The following MICU1 variants were observed in gnomAD, a reference collection of about 807,000 sequenced individuals.
The protein encoded by MICU1 is mitochondrial calcium uptake 1, also known as calcium uptake protein 1, mitochondrial.
Under a neutral mutation model 56.8 loss-of-function variants are expected in MICU1, and 45 were observed. The observed-to-expected ratio is 0.79, with a 90% CI of 0.62 to 1.02. The LOEUF is 1.02. MICU1 is among the 50% of genes least tolerant of loss of function. The pLI, the probability that MICU1 is intolerant of heterozygous loss-of-function variation, is 0.00. For synonymous variants in MICU1, 186 were observed against 195.1 expected, an observed-to-expected ratio of 0.95 and a Z score of 0.39; for missense variants, 504 against 587.1, an observed-to-expected ratio of 0.86 and a Z score of 1.46.
intron 5 of MICU1, among the ~76,000 whole-genome samples, chr10:72,527,066 T>C (rs961608790): frequency 6.6e-6 from 1 of 152,292 alleles, no homozygotes; most frequent in Middle Eastern, 3.4e-3. Flanking sequence ...AATGTATATA[T>C]CCCATATTTT....
At chr10:72,387,173 C>T (rs570134584) in intron 10 of MICU1, among the ~76,000 whole-genome samples, 38 of 152,250 alleles carry the variant, frequency 2.5e-4, no homozygotes, top group African/African-American at 7.0e-4. Context: ...CAGTAAAAAG[C>T]GGATTTAGTT....
intron 10 of MICU1, among the ~76,000 whole-genome samples, chr10:72,395,093 G>T (rs866594773): frequency 6.6e-6 from 1 of 152,000 alleles, no homozygotes; most frequent in East Asian, 1.9e-4. Context: ...GCAGGAGAAC[G>T]GCATGAACCC....
rs1159893643 is a variant in MICU1, at chr10:72,592,816, CTT to C, written c.-1-26024_-1-26023del. 2.1e-5 allele frequency among the ~76,000 whole-genome samples: 3 copies of C among 145,778 alleles called. No homozygotes were observed. In the Admixed American group the frequency reaches 2.1e-4, roughly 10 times the overall value. On this transcript the variant is annotated intron_variant, in intron 1 of 11. Coordinates refer to ENST00000361114, the MANE Select transcript of MICU1 (RefSeq NM_001195518.2). The stretch of plus-strand genomic sequence containing the variant: ...TTTTTTTTTGAGATGGAGTTTCACT[CTT>C]GTTGCCCAGGCTGGAGAGCAATGGC...
At chr10:72,389,909 A>T (rs2132063921) in intron 10 of MICU1, among the ~76,000 whole-genome samples, 1 of 152,352 alleles carries the variant, frequency 6.6e-6, no homozygotes, top group East Asian at 1.9e-4. Context: ...TCAATCAGCC[A>T]GCCGCTGAGA....
intron 1 of MICU1, among the ~76,000 whole-genome samples, chr10:72,570,350 G>A (rs1481322681): frequency 2.6e-5 from 4 of 151,502 alleles, no homozygotes; most frequent in Non-Finnish European, 4.4e-5. Flanking sequence ...TTTTTTTCAA[G>A]TTGTAAACAC....
At chr10:72,389,240 T>C (rs1191317336) in intron 10 of MICU1, among the ~76,000 whole-genome samples, 3 of 152,162 alleles carry the variant, frequency 2.0e-5, no homozygotes, top group African/African-American at 7.2e-5. Flanking sequence ...ATTTCTGACT[T>C]CCCCAACAAT....
intron 8 of MICU1, among the ~76,000 whole-genome samples, chr10:72,473,861 T>C (rs547969298): frequency 6.4e-4 from 97 of 152,164 alleles, no homozygotes; most frequent in Non-Finnish European, 1.3e-3. Context: ...CATACATAGT[T>C]TAAAAACAAC....
intron 10 of MICU1, among the ~76,000 whole-genome samples, chr10:72,394,059 G>C (rs1054405836): frequency 6.6e-6 from 1 of 152,112 alleles, no homozygotes; most frequent in Admixed American, 6.5e-5. Flanking sequence ...GAGCCAAAGA[G>C]CCCAGCTGAT....
intron 6 of MICU1, among the ~76,000 whole-genome samples, chr10:72,496,265 T>A (rs1235936330): frequency 6.6e-6 from 1 of 151,416 alleles, no homozygotes; most frequent in Admixed American, 6.6e-5. Context: ...GCAGCTGGGA[T>A]AATATAGGCA....
rs556935439 is a variant in MICU1 at position 72,458,812 on chromosome 10, T to C, written c.933+16288A>G. Among the ~76,000 whole-genome samples the C allele has an allele frequency of 7.3e-5, 11 of 151,316 alleles. No homozygotes were observed. In the East Asian group the frequency reaches 7.8e-4, roughly 11 times the overall value. On this transcript the variant is annotated intron_variant, in intron 8 of 11. Coordinates refer to ENST00000361114, the MANE Select transcript of MICU1 (RefSeq NM_001195518.2). ...GCAGCCTCAGACCTCCCGGACTCAA[T>C]TGATCCAACCACCTCAGCCTCCCAA...
chr10:72,481,254 C>A (rs1201903719), intron 6 of MICU1, among the ~76,000 whole-genome samples: 1 of 152,190 alleles, frequency 6.6e-6, no homozygotes, highest in African/African-American at 2.4e-5. Context: ...TCAAGCGATT[C>A]TCTTGTAAAC....
intron 10 of MICU1, among the ~76,000 whole-genome samples, chr10:72,380,619 G>T (rs1284659923): frequency 6.6e-6 from 1 of 152,146 alleles, no homozygotes; most frequent in South Asian, 2.1e-4. Context: ...TGTCCACTTG[G>T]AATCAGAGAA....
intron 8 of MICU1, among the ~76,000 whole-genome samples, chr10:72,450,076 C>T (rs1589231834): frequency 6.6e-6 from 1 of 152,114 alleles, no homozygotes; most frequent in East Asian, 1.9e-4. Context: ...GCGGGCCCAA[C>T]ACTCTCGTGA....
intron 1 of MICU1, chr10:72,582,681 G>C (rs1840932106): frequency 6.6e-6 from 1 of 152,032 alleles, no homozygotes; most frequent in Non-Finnish European, 1.5e-5. Context: ...TCAGGAGTCT[G>C]AGGTGGGAAG....
chr10:72,587,235 G>C (rs1021620922), intron 1 of MICU1, among the ~76,000 whole-genome samples: 3 of 152,108 alleles, frequency 2.0e-5, no homozygotes, highest in Non-Finnish European at 4.4e-5. Flanking sequence ...TGCCTTGGGA[G>C]ACTGAGGTAA....
At chr10:72,513,680 C>T (rs1564912396) in intron 5 of MICU1, among the ~76,000 whole-genome samples, 1 of 150,904 alleles carries the variant, frequency 6.6e-6, no homozygotes, top group Non-Finnish European at 1.5e-5. Flanking sequence ...AGCATTTGCT[C>T]TTTTTTTTTA....
intron 5 of MICU1, among the ~76,000 whole-genome samples, chr10:72,511,752 C>T (rs940438756): frequency 1.3e-5 from 2 of 152,200 alleles, no homozygotes; most frequent in African/African-American, 2.4e-5. Context: ...TTAACATAAA[C>T]GCACAATGCT....
intron 5 of MICU1, chr10:72,524,673 G>A: frequency 8.5e-7 from 1 of 1,175,334 alleles, no homozygotes; most frequent in Non-Finnish European, 1.1e-6. Flanking sequence ...CTTTGTTCCT[G>A]AAGCATTACT....
intron 1 of MICU1, among the ~76,000 whole-genome samples, chr10:72,570,292 A>T (rs1840575844): frequency 1.3e-5 from 2 of 151,884 alleles, no homozygotes; most frequent in Non-Finnish European, 2.9e-5. Context: ...ATATCTTCCT[A>T]TGGCATACGT....
Sources: gnomAD v4.1 joint callset for allele counts (sites outside exome capture counted in the v4.1 genomes callset) on GRCh38, gnomAD v4.1.1 for gene constraint, MANE v1.5 for transcripts, NCBI Gene and HGNC (gene_info 2026-07-23, HGNC 2026-07-21) for gene names.